The following HCLS1 variants were observed in gnomAD, a reference collection of about 807,000 sequenced individuals.
HCLS1 encodes the protein hematopoietic cell-specific Lyn substrate 1, also known as hematopoietic lineage cell-specific protein.
Under a neutral mutation model 68.6 loss-of-function variants are expected in HCLS1, and 44 were observed. The observed-to-expected ratio is 0.64, with a 90% CI of 0.50 to 0.82. The LOEUF (loss-of-function observed/expected upper bound fraction) is 0.82. Among genes scored for constraint, HCLS1 ranks in the 40% least tolerant of loss-of-function variants. HCLS1 has a pLI of 0.00. For missense variants in HCLS1, 602 were observed against 612.1 expected (o/e 0.98, Z 0.17); for synonymous variants, 217 against 225.8 (o/e 0.96, Z 0.35).
intron 2 of HCLS1, among the ~76,000 whole-genome samples, chr3:121,657,687 A>C (rs1937902305): frequency 1.3e-5 from 2 of 152,042 alleles, no homozygotes; most frequent in African/African-American, 4.8e-5. Context: ...GTGTGGTGGC[A>C]TGCACCTGTA....
intron 4 of HCLS1, among the ~76,000 whole-genome samples, chr3:121,646,913 T>C (rs1247970768): frequency 6.9e-6 from 1 of 145,958 alleles, no homozygotes; most frequent in Non-Finnish European, 1.5e-5. Flanking sequence ...TATAAGTATA[T>C]AATTATACAT....
intron 3 of HCLS1, 39 bp from the exon 4 acceptor site, chr3:121,647,487 G>A: frequency 6.2e-7 from 1 of 1,609,002 alleles, no homozygotes; most frequent in Non-Finnish European, 8.5e-7. Context: ...TCTATCCTAG[G>A]GAGATCAAGA....
chr3:121,652,973 C>CTACA (rs1426297674), intron 3 of HCLS1, among the ~76,000 whole-genome samples: 1 of 152,178 alleles, frequency 6.6e-6, no homozygotes, highest in African/African-American at 2.4e-5. Context: ...ATTCAAATTA[C>CTACA]TACAGGTTGA....
intron 6 of HCLS1, 132 bp from the exon 7 acceptor site, chr3:121,637,388 G>C (rs1465657270): frequency 1.6e-6 from 1 of 635,144 alleles, no homozygotes; most frequent in Non-Finnish European, 2.9e-6. Flanking sequence ...CTTGAATACA[G>C]GGGAATTAAA....
chr3:121,643,083 G>A lies in HCLS1; in HGVS notation c.400-102C>T, dbSNP rs1453222322. 6.8e-6 allele frequency: 6 copies of A among 878,932 alleles called. No homozygotes were observed. In the African/African-American group the frequency reaches 9.8e-5, roughly 14 times the overall value. The allele number at this position is 878,932 out of a possible 1,614,324, so 54.4% of individuals were successfully genotyped here. A position where few individuals can be genotyped will look rare whatever the true frequency, so the allele number is the denominator to read the frequency against. On this transcript the variant is annotated intron_variant, in intron 5 of 13. Transcript: ENST00000314583. ...AGCCAGCCCCAGAGGTAGTTTGTAG[G>A]GGCTTCAGGCTGAGTATAGGTGTTT...
In HCLS1 at chr3:121,635,720, A is replaced by C; in HGVS notation, c.691+15T>G. On this transcript the variant is annotated intron_variant, in intron 9 of 13. Transcript: ENST00000314583. ...AGGAAGTGAGGTGCATGGAGAGTGA[A>C]TCACTAAGCCTCACCGGCTTCTATG... is the stretch of plus-strand genomic sequence containing the variant. The C allele has an allele frequency of 1.2e-6, 2 of 1,602,232 alleles. No homozygotes were observed. Among genetic ancestry groups the C allele is most frequent in the Non-Finnish European group, 1.7e-6 (2 of 1,169,090 alleles).
intron 8 of HCLS1, 55 bp downstream of exon 8, chr3:121,636,379 C>T (rs1256107394): frequency 2.1e-6 from 3 of 1,420,900 alleles, no homozygotes; most frequent in African/African-American, 1.4e-5. Flanking sequence ...CTTCTCTGCA[C>T]ACTTTCCTAA....
At chr3:121,650,833 T>C (rs142857431) in intron 3 of HCLS1, among the ~76,000 whole-genome samples, 28 of 152,250 alleles carry the variant, frequency 1.8e-4, no homozygotes, top group Non-Finnish European at 3.4e-4. Flanking sequence ...CTTAAAAAGA[T>C]GCCATTAATA....
rs2108856642 is a variant in HCLS1 at position 121,634,331 on chromosome 3, T to C, written c.779A>G (p.Gln260Arg). ...TCGCTCCTGTTGCCTCCTGGCCACC[T>C]GCTGTGCCTTCTCCTCTTCCTCTCG... The part of the protein sequence containing the change: ...RKREEEEKAQ[Q>R]VARRQQERKA... The change falls in exon 10 of 14, where the codon CAG (glutamine) becomes CGG (arginine). Residue 260 changes from glutamine to arginine, a missense_variant. Gln to Arg is a conservative substitution (Grantham distance 43, BLOSUM62 1). Coordinates refer to ENST00000314583, the MANE Select transcript of HCLS1 (RefSeq NM_005335.6). 2 of 1,614,142 alleles carry C rather than the reference T, an allele frequency of 1.2e-6. No individual in the cohort carries two copies. The highest frequency in any genetic ancestry group is 1.7e-6 in the Non-Finnish European group (2 of 1,179,980).
At chr3:121,646,386 A>AC (rs1937605394) in intron 4 of HCLS1, among the ~76,000 whole-genome samples, 2 of 89,510 alleles carry the variant, frequency 2.2e-5, no homozygotes, top group Admixed American at 4.4e-4. Context: ...ACTATGTAAT[A>AC]TATTACTATG....
Position 121,632,883 on chromosome 3 carries a change from C to T in HCLS1, c.1008+184G>A, listed in dbSNP as rs187074624. Reference sequence around the variant, plus strand: ...GCAAGAGCACATTGTTGAGCTACCACAGCTAGGATAATCATCTATACTAGT... The same window carrying T: ...GCAAGAGCACATTGTTGAGCTACCATAGCTAGGATAATCATCTATACTAGT... On this transcript the variant is annotated intron_variant, in intron 11 of 13. Coordinates refer to ENST00000314583, the MANE Select transcript of HCLS1 (RefSeq NM_005335.6). 3.2e-3 allele frequency among the ~76,000 whole-genome samples: 487 copies of T among 152,294 alleles called. 1 individual carries two copies. The highest frequency in any genetic ancestry group is 4.5e-3 in the Non-Finnish European group (305 of 68,018).
chr3:121,634,813 G>A (rs1178546310), intron 9 of HCLS1, among the ~76,000 whole-genome samples: 1 of 152,036 alleles, frequency 6.6e-6, no homozygotes, highest in African/African-American at 2.4e-5. Flanking sequence ...TGTATTTTTT[G>A]TAGAGAGGGG....
At chr3:121,640,834 C>T (rs1305514477) in intron 6 of HCLS1, among the ~76,000 whole-genome samples, 132 of 11,976 alleles carry the variant, frequency 0.011, 3 homozygotes, top group African/African-American at 0.038. Flanking sequence ...GGGGAGGGGA[C>T]GGGAGGGCAG....
intron 5 of HCLS1, 199 bp from the exon 6 acceptor site, chr3:121,643,180 T>G (rs557417361): frequency 4.7e-5 from 23 of 487,810 alleles, no homozygotes; most frequent in African/African-American, 3.3e-4. Flanking sequence ...CACAGACAGT[T>G]TTAGGTTCAA....
In HCLS1 at chr3:121,631,698, C is replaced by T; in HGVS notation, c.*148G>A. ...AAGGGGACCTCCTTCCCCATGCTGTCTCTGCCCCAAGCCCTTAATGAAGCA... is the reference window on the plus strand; with the variant it reads ...AAGGGGACCTCCTTCCCCATGCTGTTTCTGCCCCAAGCCCTTAATGAAGCA... On this transcript the variant is annotated 3_prime_UTR_variant, in exon 14 of 14. Coordinates refer to ENST00000314583, the MANE Select transcript of HCLS1 (RefSeq NM_005335.6). 1 of 769,126 alleles carries T rather than the reference C, an allele frequency of 1.3e-6. No individual in the cohort carries two copies. Among genetic ancestry groups the T allele is most frequent in the Non-Finnish European group, 2.1e-6 (1 of 480,476 alleles). 47.6% of individuals were successfully genotyped at this position (769,126 alleles called of 1,614,324 possible).
At chr3:121,637,664 C>T (rs909294573) in intron 6 of HCLS1, among the ~76,000 whole-genome samples, 11 of 152,048 alleles carry the variant, frequency 7.2e-5, no homozygotes, top group South Asian at 2.1e-4. Flanking sequence ...AGGCCGAGCA[C>T]GGTGCTCATG....
Position 121,631,811 on chromosome 3 carries a change from G to A in HCLS1, c.*35C>T, listed in dbSNP as rs1489716832. 7 of 1,611,752 alleles carry A rather than the reference G, an allele frequency of 4.3e-6. No individual in the cohort carries two copies. The highest frequency in any genetic ancestry group is 5.9e-6 in the Non-Finnish European group (7 of 1,178,258). ...GTGGAGGCAGAGCCACTTTGGACAT[G>A]GGAAATCACAGTTGCAGTAGACAGT... On this transcript the variant is annotated 3_prime_UTR_variant, in exon 14 of 14. Transcript: ENST00000314583.
chr3:121,632,219 A>G, intron 12 of HCLS1, 35 bp from the exon 13 acceptor site: 1 of 1,609,878 alleles, frequency 6.2e-7, no homozygotes, highest in Non-Finnish European at 8.5e-7. Flanking sequence ...GGGATCATCA[A>G]CATGAAGAAG....
chr3:121,634,078 A>G, intron 10 of HCLS1, 129 bp downstream of exon 10: 1 of 1,489,960 alleles, frequency 6.7e-7, no homozygotes, highest in Non-Finnish European at 8.9e-7. Flanking sequence ...TCTTCTAAAG[A>G]CAGAGACAAC....
Sources: gnomAD v4.1 joint callset for allele counts (sites outside exome capture counted in the v4.1 genomes callset) on GRCh38, gnomAD v4.1.1 for gene constraint, MANE v1.5 for transcripts, NCBI Gene and HGNC (gene_info 2026-07-23, HGNC 2026-07-21) for gene names.